Variants in MTREX observed in about 807,000 individuals in gnomAD.
The protein encoded by MTREX is Mtr4 exosome RNA helicase, also known as exosome RNA helicase MTR4.
Under a neutral mutation model 135.4 loss-of-function variants are expected in MTREX, and 76 were observed. The ratio of observed to expected loss-of-function variants is 0.56; its 90% confidence interval spans 0.47 to 0.68. The LOEUF (loss-of-function observed/expected upper bound fraction) is 0.68. MTREX is among the 30% of genes least tolerant of loss of function. The pLI, the probability that MTREX is intolerant of heterozygous loss-of-function variation, is 0.00. For synonymous variants in MTREX, 404 were observed against 401.6 expected, an observed-to-expected ratio of 1.01 and a Z score of -0.07; for missense variants, 920 against 1,262.1, an observed-to-expected ratio of 0.73 and a Z score of 4.11.
At position 55,412,646 on chromosome 5, in the gene MTREX, T is replaced by C. The variant is rs576432248; in HGVS notation, c.2752-1536T>C. Among the ~76,000 whole-genome samples, 55 of 152,310 alleles carry C rather than the reference T, an allele frequency of 3.6e-4. No individual in the cohort carries two copies. In the South Asian group the frequency reaches 7.3e-3, roughly 20 times the overall value. On this transcript the variant is annotated intron_variant, in intron 23 of 26. Transcript: ENST00000230640. ...CCTCACTAATGAAGTGAAACTTATA[T>C]TGAGGCCTATAGGAGAGATGAGGGA...
chr5:55,346,650 G>C (rs1482162101), intron 10 of MTREX, among the ~76,000 whole-genome samples: 1 of 151,960 alleles, frequency 6.6e-6, no homozygotes, highest in Non-Finnish European at 1.5e-5. Context: ...TATTTTAAAA[G>C]TATGTTTTTT....
At chr5:55,351,962 C>T (rs1746691202) in intron 13 of MTREX, among the ~76,000 whole-genome samples, 1 of 151,790 alleles carries the variant, frequency 6.6e-6, no homozygotes, top group Admixed American at 6.6e-5. Context: ...GCTGGGACTA[C>T]AGGAGCATAC....
In MTREX at chr5:55,400,405, G is replaced by T; in HGVS notation, c.2465G>T (p.Cys822Phe). 6.3e-7 allele frequency: 1 copy of T among 1,580,342 alleles called. No individual in the cohort carries two copies. Among genetic ancestry groups the T allele is most frequent in the Non-Finnish European group, 8.6e-7 (1 of 1,161,836 alleles). The change falls in exon 21 of 27, where the codon TGT (cysteine) becomes TTT (phenylalanine). Residue 822 changes from cysteine (C) to phenylalanine (F), a missense_variant. By Grantham distance (205) the Cys-to-Phe change is radical. This residue lies in a region of MTREX where 467 missense variants were observed against 589.7 expected (regional missense o/e 0.79). Coordinates refer to ENST00000230640, the MANE Select transcript of MTREX (RefSeq NM_015360.5). ...DPNLETVYTL[C>F]EKKAQIAIDI... ...AATTTGGAAACTGTGTATACGCTTT[G>T]TGAAAAAAAAGCACAGGTATGGCAG...
intron 14 of MTREX, chr5:55,356,869 G>T: frequency 6.1e-6 from 1 of 164,724 alleles, no homozygotes; most frequent in African/African-American, 2.4e-5. Flanking sequence ...GATGATCTTG[G>T]AGTCAGTGCC....
intron 12 of MTREX, among the ~76,000 whole-genome samples, chr5:55,350,573 G>C (rs1033567049): frequency 2.0e-5 from 3 of 152,120 alleles, no homozygotes; most frequent in Non-Finnish European, 2.9e-5. Flanking sequence ...ATTTTTTGGG[G>C]GTTTGAGTTG....
chr5:55,403,423 AAAAG>A (rs1397454088), intron 21 of MTREX, among the ~76,000 whole-genome samples: 2 of 152,344 alleles, frequency 1.3e-5, no homozygotes, highest in South Asian at 2.1e-4. Context: ...CACATTTTAA[AAAAG>A]AAAGAAAAAA....
chr5:55,320,579 G>A (rs895029701), intron 1 of MTREX, among the ~76,000 whole-genome samples: 3 of 152,140 alleles, frequency 2.0e-5, no homozygotes, highest in African/African-American at 7.2e-5. Flanking sequence ...TTTTTAGAGT[G>A]TGTGGAACAC....
At chr5:55,374,548 C>T (rs112400468) in intron 16 of MTREX, among the ~76,000 whole-genome samples, 13 of 152,014 alleles carry the variant, frequency 8.6e-5, no homozygotes, top group African/African-American at 3.1e-4. Context: ...CTCAGCCTCC[C>T]AAGAGTGTTG....
At chr5:55,323,872 C>T (rs974141063) in intron 2 of MTREX, among the ~76,000 whole-genome samples, 69 of 152,280 alleles carry the variant, frequency 4.5e-4, no homozygotes, top group African/African-American at 1.5e-3. Context: ...TGGAACTAAG[C>T]TGACATAATT....
chr5:55,418,163 G>A (rs1751000801), intron 25 of MTREX, among the ~76,000 whole-genome samples: 2 of 150,672 alleles, frequency 1.3e-5, no homozygotes, highest in Admixed American at 1.3e-4. Context: ...GAACCTGGGA[G>A]GCAGAGCTTG....
At chr5:55,347,264 C>A in intron 11 of MTREX, 120 bp downstream of exon 11, 1 of 925,406 alleles carries the variant, frequency 1.1e-6, no homozygotes, top group Non-Finnish European at 1.6e-6. Flanking sequence ...ACAGTTACAG[C>A]AGTACTCAGC....
At chr5:55,367,603 G>A (rs973656249) in intron 16 of MTREX, among the ~76,000 whole-genome samples, 3 of 152,124 alleles carry the variant, frequency 2.0e-5, no homozygotes, top group Non-Finnish European at 2.9e-5. Context: ...CTTTAACTTG[G>A]ATTAGAGTTT....
At chr5:55,402,442 G>A (rs230786) in intron 21 of MTREX, among the ~76,000 whole-genome samples, 132,050 of 152,212 alleles carry the variant, frequency 0.87, 57,541 homozygotes, top group Admixed American at 0.92. Flanking sequence ...AGACTTGAGC[G>A]TGATTGAATG....
intron 6 of MTREX, among the ~76,000 whole-genome samples, chr5:55,341,406 CTG>C (rs1488365860): frequency 6.6e-6 from 1 of 152,084 alleles, no homozygotes; most frequent in Admixed American, 6.5e-5. Flanking sequence ...ATAATTCTCT[CTG>C]TGGATTGTAT....
chr5:55,309,108 A>G (rs1318886171), intron 1 of MTREX, among the ~76,000 whole-genome samples: 3 of 152,218 alleles, frequency 2.0e-5, no homozygotes, highest in African/African-American at 7.2e-5. Flanking sequence ...TTTATATACA[A>G]GAGAATATTC....
In MTREX at chr5:55,425,017, T is replaced by A; in HGVS notation, c.*245T>A. On this transcript the variant is annotated 3_prime_UTR_variant, in exon 27 of 27. Coordinates refer to ENST00000230640, the MANE Select transcript of MTREX (RefSeq NM_015360.5). The stretch of plus-strand genomic sequence containing the variant: ...GAAGGCTTGGAGTTTTTTTAATGAG[T>A]TTAGAGCTATTAGATAACCACTGAG... 3.7e-6 allele frequency: 3 copies of A among 809,528 alleles called. No homozygotes were observed. Among genetic ancestry groups the A allele is most frequent in the Non-Finnish European group, 5.8e-6 (3 of 520,752 alleles). The allele number at this position is 809,528 out of a possible 1,614,324, so 50.1% of individuals were successfully genotyped here.
intron 5 of MTREX, among the ~76,000 whole-genome samples, chr5:55,338,410 G>A (rs1439018802): frequency 6.6e-6 from 1 of 151,988 alleles, no homozygotes; most frequent in East Asian, 1.9e-4. Context: ...GAGTTTTTCT[G>A]TTGTGGTTTT....
In MTREX at chr5:55,345,323, G is replaced by A; in HGVS notation, c.1108+127G>A. On this transcript the variant is annotated intron_variant, in intron 10 of 26. Transcript: ENST00000230640. ...GGTCTAGACGATATGTGATAAAATT[G>A]GATAAATATTTATCTTTTTTGTATG... 9.3e-6 allele frequency: 6 copies of A among 648,112 alleles called. No individual in the cohort carries two copies. In the South Asian group the frequency reaches 9.5e-5, roughly 10 times the overall value. The allele number at this position is 648,112 out of a possible 1,614,324, so 40.1% of individuals were successfully genotyped here.
chr5:55,402,193 C>T (rs1215964373), intron 21 of MTREX, among the ~76,000 whole-genome samples: 2 of 152,320 alleles, frequency 1.3e-5, no homozygotes, highest in Non-Finnish European at 2.9e-5. Context: ...GCTGCATGCT[C>T]AGTGAACACA....
Sources: allele counts gnomAD v4.1 joint callset (sites outside exome capture counted in the v4.1 genomes callset), GRCh38; gene constraint gnomAD v4.1.1; regional missense constraint gnomAD v4.1.1; transcripts MANE v1.5; gene names NCBI Gene and HGNC (gene_info 2026-07-23, HGNC 2026-07-21).